Variants in ATP13A4 observed in about 807,000 individuals in gnomAD.
ATP13A4 encodes probable cation-transporting ATPase 13A4.
In ATP13A4, 114 loss-of-function variants were observed where a neutral mutation model predicts 142.5. That is an observed-to-expected ratio of 0.80 (90% CI 0.69 to 0.93). The LOEUF is 0.93. Ranked by LOEUF, ATP13A4 falls within the 40% of genes least tolerant of loss-of-function variation. ATP13A4 has a pLI of 0.00. For missense variants in ATP13A4, 1,392 were observed against 1,454.0 expected, an observed-to-expected ratio of 0.96 and a Z score of 0.69; for synonymous variants, 488 against 514.8, an observed-to-expected ratio of 0.95 and a Z score of 0.70.
chr3:193,508,649 A>C (rs945669948), intron 2 of ATP13A4, among the ~76,000 whole-genome samples: 1 of 152,210 alleles, frequency 6.6e-6, no homozygotes, highest in Non-Finnish European at 1.5e-5. Flanking sequence ...CAGCTCACAG[A>C]ATCTCAGAGA....
intron 18 of ATP13A4, 116 bp downstream of exon 18, chr3:193,448,090 C>A: frequency 1.4e-6 from 2 of 1,407,422 alleles, no homozygotes; most frequent in East Asian, 2.4e-5. Flanking sequence ...CCATCTCCAG[C>A]ACCTGGAATG....
chr3:193,513,402 G>A (rs1721239625), intron 2 of ATP13A4, among the ~76,000 whole-genome samples: 1 of 152,132 alleles, frequency 6.6e-6, no homozygotes, highest in African/African-American at 2.4e-5. Context: ...TTGTCATTCG[G>A]GGCCATGGGC....
In ATP13A4 at chr3:193,438,491, C is replaced by T. The variant is rs763886560; in HGVS notation, c.2656G>A (p.Val886Ile). 283 of 1,611,796 alleles carry T rather than the reference C, an allele frequency of 1.8e-4. No homozygotes were observed. The highest frequency in any genetic ancestry group is 2.4e-4 in the Non-Finnish European group (277 of 1,177,874). ...CCTACTTACTTGATAAGGTGAGGTA[C>T]GCACTCAATGTTTGGAGTTTTGGAA... ...FTSKTPNIECVPHLIKEGRAA... is the reference protein window; with the variant it reads ...FTSKTPNIECIPHLIKEGRAA... The change falls in exon 23 of 30, where the codon GTA (valine) becomes ATA (isoleucine). Residue 886 changes from valine to isoleucine, a missense_variant. Transcript: ENST00000342695.
At chr3:193,468,272 T>C (rs908408445) in intron 9 of ATP13A4, among the ~76,000 whole-genome samples, 1 of 152,142 alleles carries the variant, frequency 6.6e-6, no homozygotes, top group Non-Finnish European at 1.5e-5. Flanking sequence ...GAGAGTAATA[T>C]CATATTTATG....
chr3:193,538,566 C>G (rs1362361806), intron 1 of ATP13A4, among the ~76,000 whole-genome samples: 1 of 151,410 alleles, frequency 6.6e-6, no homozygotes. Context: ...ATTGACTTCA[C>G]TGACAGCCTG....
chr3:193,465,692 C>T (rs927142548), intron 11 of ATP13A4, among the ~76,000 whole-genome samples: 1 of 152,030 alleles, frequency 6.6e-6, no homozygotes, highest in Non-Finnish European at 1.5e-5. Context: ...ATTTAAAATC[C>T]CTTGCTCAAT....
chr3:193,474,419 T>C (rs4393852), intron 8 of ATP13A4, among the ~76,000 whole-genome samples: 2 of 146,482 alleles, frequency 1.4e-5, no homozygotes, highest in African/African-American at 5.1e-5. Flanking sequence ...CCAGGCATGG[T>C]GGCGCACACT....
chr3:193,489,599 G>A, intron 7 of ATP13A4, 131 bp downstream of exon 7: 1 of 908,012 alleles, frequency 1.1e-6, no homozygotes, highest in African/African-American at 1.7e-5. Context: ...ACTGTGCTAG[G>A]TATTTACAAA....
intron 25 of ATP13A4, among the ~76,000 whole-genome samples, chr3:193,421,412 T>C (rs969898031): frequency 1.3e-5 from 2 of 149,492 alleles, no homozygotes; most frequent in African/African-American, 4.9e-5. Context: ...AAGAAATGCT[T>C]GAGAGTTTTT....
intron 1 of ATP13A4, among the ~76,000 whole-genome samples, chr3:193,527,058 T>C (rs915022057): frequency 8.5e-5 from 13 of 152,166 alleles, no homozygotes; most frequent in African/African-American, 3.1e-4. Flanking sequence ...TCTTAAGACA[T>C]CAAGAGTTGC....
chr3:193,582,957 A>T lies in ATP13A4; in HGVS notation n.92-1051T>A. 6.4e-5 allele frequency among the ~76,000 whole-genome samples: 2 copies of T among 31,328 alleles called. 1 individual carries two copies. The highest frequency in any genetic ancestry group is 1.2e-3 in the East Asian group (2 of 1,700). The allele number at this position is 31,328 out of a possible 152,430, so 20.6% of individuals were successfully genotyped here. On this transcript the variant is annotated intron_variant and non_coding_transcript_variant, in intron 1 of 3. Coordinates refer to the ATP13A4 transcript ENST00000489140. Reference sequence around the variant, plus strand: ...TATATAAAATATATATGTATATTACATATATATAAAATATATATATGTATA... The same window carrying T: ...TATATAAAATATATATGTATATTACTTATATATAAAATATATATATGTATA...
chr3:193,574,839 G>A (rs530856155), intron 2 of ATP13A4, among the ~76,000 whole-genome samples: 72 of 152,288 alleles, frequency 4.7e-4, no homozygotes, highest in African/African-American at 1.6e-3. Flanking sequence ...GAAGCAAGAG[G>A]GTAATTTGCA....
At chr3:193,573,290 C>CATATATATAT (rs1724318108) in intron 2 of ATP13A4, among the ~76,000 whole-genome samples, 2 of 109,992 alleles carry the variant, frequency 1.8e-5, no homozygotes, top group African/African-American at 8.8e-5. Context: ...TATATATATA[C>CATATATATAT]ACATATATAT....
chr3:193,541,222 CT>C (rs1228031384), intron 1 of ATP13A4, among the ~76,000 whole-genome samples: 11 of 123,820 alleles, frequency 8.9e-5, no homozygotes, highest in Admixed American at 2.5e-4. Context: ...GCACTCCAGC[CT>C]GGGCGACAGA....
chr3:193,499,456 T>TTTTCACACGTTAGGAC (rs1314334077), intron 3 of ATP13A4, among the ~76,000 whole-genome samples: 1 of 152,242 alleles, frequency 6.6e-6, no homozygotes, highest in Non-Finnish European at 1.5e-5. Context: ...ATGTTAGGAC[T>TTTTCACACGTTAGGAC]TTTCACACGT....
intron 25 of ATP13A4, among the ~76,000 whole-genome samples, chr3:193,420,618 A>G (rs1327562710): frequency 6.7e-6 from 1 of 149,856 alleles, no homozygotes; most frequent in Non-Finnish European, 1.5e-5. Context: ...AATTAGGAAA[A>G]GAGTTTCCTA....
At chr3:193,581,830 A>G (rs772936567) in exon 2 of ATP13A4, 1 of 152,130 alleles carries the variant, frequency 6.6e-6, no homozygotes, top group Non-Finnish European at 1.5e-5. Context: ...TGAATTGCCA[A>G]CATTTCTCCT....
At chr3:193,499,170 G>C (rs1006142320) in intron 3 of ATP13A4, among the ~76,000 whole-genome samples, 3 of 152,152 alleles carry the variant, frequency 2.0e-5, no homozygotes, top group African/African-American at 7.2e-5. Context: ...ATTTATTTCA[G>C]CAAGGTTGAT....
chr3:193,508,052 A>C (rs946140887), intron 2 of ATP13A4, among the ~76,000 whole-genome samples: 2 of 152,224 alleles, frequency 1.3e-5, no homozygotes, highest in East Asian at 1.9e-4. Flanking sequence ...ACTAATGTCC[A>C]TATGAGATGA....
Sources: allele counts gnomAD v4.1 joint callset (sites outside exome capture counted in the v4.1 genomes callset), GRCh38; gene constraint gnomAD v4.1.1; transcripts MANE v1.5; gene names NCBI Gene and HGNC (gene_info 2026-07-23, HGNC 2026-07-21).